The following NUS1 variants were observed in gnomAD, a reference collection of about 807,000 sequenced individuals.
NUS1 encodes dehydrodolichyl diphosphate synthase complex subunit NUS1.
For missense variants in NUS1, 292 were observed against 382.9 expected (o/e 0.76, Z 1.98); for synonymous variants, 135 against 155.2 (o/e 0.87, Z 0.97).
chr6:117,689,106 A>C (rs1043652100), intron 1 of NUS1, among the ~76,000 whole-genome samples: 2 of 152,200 alleles, frequency 1.3e-5, no homozygotes, highest in African/African-American at 4.8e-5. Context: ...TTACGTGTTG[A>C]ATCAGGAAGA....
chr6:117,699,442 G>A (rs1364622666), intron 3 of NUS1, among the ~76,000 whole-genome samples: 1 of 152,112 alleles, frequency 6.6e-6, no homozygotes, highest in East Asian at 1.9e-4. Flanking sequence ...AGAAGTGAAA[G>A]ATCTCTACAA....
chr6:117,696,232 G>A (rs1773318585), intron 3 of NUS1, among the ~76,000 whole-genome samples: 1 of 152,022 alleles, frequency 6.6e-6, no homozygotes, highest in Admixed American at 6.6e-5. Flanking sequence ...TACAAATACA[G>A]AGAGGAGACA....
intron 1 of NUS1, among the ~76,000 whole-genome samples, chr6:117,679,687 A>G (rs4406269): frequency 0.79 from 120,216 of 152,062 alleles, 47,855 homozygotes; most frequent in Non-Finnish European, 0.85. Flanking sequence ...CTGGAGGTTG[A>G]CTTCAGGGTA....
intron 1 of NUS1, among the ~76,000 whole-genome samples, chr6:117,684,837 C>T (rs1409823874): frequency 6.6e-6 from 1 of 152,028 alleles, no homozygotes; most frequent in Non-Finnish European, 1.5e-5. Flanking sequence ...TTGTTTAATA[C>T]AGTTGTTAAA....
intron 3 of NUS1, among the ~76,000 whole-genome samples, chr6:117,699,990 A>G (rs1773383495): frequency 1.3e-5 from 2 of 152,194 alleles, no homozygotes; most frequent in Admixed American, 6.5e-5. Context: ...ATCTCTTGCC[A>G]TATACAAAAA....
intron 1 of NUS1, among the ~76,000 whole-genome samples, chr6:117,691,095 T>C (rs1482995952): frequency 6.6e-6 from 1 of 152,084 alleles, no homozygotes; most frequent in African/African-American, 2.4e-5. Context: ...AATTCTTCCT[T>C]TGTGGTAAAT....
intron 1 of NUS1, among the ~76,000 whole-genome samples, chr6:117,679,930 A>T (rs529697383): frequency 6.6e-6 from 1 of 152,284 alleles, no homozygotes; most frequent in East Asian, 1.9e-4. Context: ...TTGAAGGGAG[A>T]TGGACGGGCA....
intron 3 of NUS1, among the ~76,000 whole-genome samples, 180 bp downstream of exon 3, chr6:117,694,360 T>TCTAAAA (rs1773286350): frequency 2.6e-5 from 4 of 152,078 alleles, no homozygotes; most frequent in African/African-American, 9.7e-5. Context: ...GTAAAAATGG[T>TCTAAAA]TTCGAGACAA....
chr6:117,688,666 A>G (rs894834389), intron 1 of NUS1, among the ~76,000 whole-genome samples: 1 of 152,184 alleles, frequency 6.6e-6, no homozygotes, highest in Non-Finnish European at 1.5e-5. Flanking sequence ...GCTTTATTAG[A>G]TAAGCCGCCA....
In NUS1 at chr6:117,710,587, A is replaced by AT. The variant is rs1773561256; in HGVS notation, c.*3574dup. On this transcript the variant is annotated 3_prime_UTR_variant, in exon 5 of 5. Transcript: ENST00000368494. ...TTTTGTACTATATTTTAAAAAATGTATTCTACTGTAACAAGTTAATAAAGA... is the reference window on the plus strand; with the variant it reads ...TTTTGTACTATATTTTAAAAAATGTATTTCTACTGTAACAAGTTAATAAAGA... 6.6e-6 allele frequency: 1 copy of AT among 152,146 alleles called. No individual in the cohort carries two copies. Among genetic ancestry groups the AT allele is most frequent in the Non-Finnish European group, 1.5e-5 (1 of 67,992 alleles). The allele number at this position is 152,146 out of a possible 1,614,324, so 9.4% of individuals were successfully genotyped here.
intron 3 of NUS1, among the ~76,000 whole-genome samples, chr6:117,699,461 A>G (rs1773367502): frequency 6.6e-6 from 1 of 152,180 alleles, no homozygotes; most frequent in South Asian, 2.1e-4. Flanking sequence ...AATGAATACT[A>G]TGAAACATTG....
intron 1 of NUS1, among the ~76,000 whole-genome samples, chr6:117,681,939 T>G (rs1773067963): frequency 6.6e-6 from 1 of 152,178 alleles, no homozygotes; most frequent in African/African-American, 2.4e-5. Context: ...TTCAAGCTAT[T>G]CTCCTGCCTC....
chr6:117,692,316 A>G (rs1335359957), intron 1 of NUS1, among the ~76,000 whole-genome samples: 2 of 152,114 alleles, frequency 1.3e-5, no homozygotes, highest in East Asian at 3.8e-4. Flanking sequence ...TGGCTACTAG[A>G]AAGCTGCCTC....
At chr6:117,682,536 G>A (rs528322198) in intron 1 of NUS1, among the ~76,000 whole-genome samples, 1 of 152,296 alleles carries the variant, frequency 6.6e-6, no homozygotes, top group East Asian at 1.9e-4. Context: ...TGGAGGTTGG[G>A]GCTACAGTGA....
At chr6:117,688,180 C>G (rs925061920) in intron 1 of NUS1, among the ~76,000 whole-genome samples, 1 of 152,214 alleles carries the variant, frequency 6.6e-6, no homozygotes, top group African/African-American at 2.4e-5. Flanking sequence ...ATGATAGCCC[C>G]ACTGCACTCA....
Position 117,707,158 on chromosome 6 carries a change from T to G in NUS1, c.*143T>G. The stretch of plus-strand genomic sequence containing the variant: ...TATCAACAAACACAAAAAAGTGTCT[T>G]ACTTGAGAGTGAGTGTGTGTGTGTG... On this transcript the variant is annotated 3_prime_UTR_variant, in exon 5 of 5. Coordinates refer to ENST00000368494, the MANE Select transcript of NUS1 (RefSeq NM_138459.5). 1 of 714,064 alleles carries G rather than the reference T, an allele frequency of 1.4e-6. No homozygotes were observed. The highest frequency in any genetic ancestry group is 4.1e-4 in the Middle Eastern group (1 of 2,460). The allele number at this position is 714,064 out of a possible 1,614,324, so 44.2% of individuals were successfully genotyped here. A position where few individuals can be genotyped will look rare whatever the true frequency, so the allele number is the denominator to read the frequency against.
rs1175986491 is a variant in NUS1, at chr6:117,707,022, T to C, written c.*7T>C. ...ACAGCGTCTGGGAAAGTAGTGGTCA[T>C]TGGTTGCATAATTTGATTTGAGGCT... On this transcript the variant is annotated 3_prime_UTR_variant, in exon 5 of 5. Coordinates refer to ENST00000368494, the MANE Select transcript of NUS1 (RefSeq NM_138459.5). 5 of 1,611,132 alleles carry C rather than the reference T, an allele frequency of 3.1e-6. No individual in the cohort carries two copies. In the South Asian group the frequency reaches 4.4e-5, roughly 14 times the overall value.
chr6:117,701,149 T>G (rs537016828), intron 3 of NUS1, among the ~76,000 whole-genome samples: 11 of 152,128 alleles, frequency 7.2e-5, no homozygotes, highest in Admixed American at 6.5e-4. Context: ...GAATTGAATC[T>G]ATAGCTCAAT....
Position 117,703,678 on chromosome 6 carries a change from C to T in NUS1, c.765C>T (p.Pro255=), listed in dbSNP as rs769839644. 3 of 1,612,710 alleles carry T rather than the reference C, an allele frequency of 1.9e-6. No homozygotes were observed. The highest frequency in any genetic ancestry group is 3.3e-5 in the Admixed American group (2 of 59,998). Reference sequence around the variant, plus strand: ...TGGACAGCACATTAGGCTTTCTTCCCTGGCACATCAGATTGACTGAGATTG... The same window carrying T: ...TGGACAGCACATTAGGCTTTCTTCCTTGGCACATCAGATTGACTGAGATTG... ...GPVDSTLGFL[P]WHIRLTEIVS... The change falls in exon 4 of 5, where the codon CCC becomes CCT. Residue 255 remains proline, a synonymous_variant. Transcript: ENST00000368494.
Sources: gnomAD v4.1 joint callset for allele counts (sites outside exome capture counted in the v4.1 genomes callset) on GRCh38, gnomAD v4.1.1 for gene constraint, MANE v1.5 for transcripts, NCBI Gene and HGNC (gene_info 2026-07-23, HGNC 2026-07-21) for gene names.